MCC: variants seen among roughly 807,000 people sequenced by gnomAD.
The protein encoded by MCC is colorectal mutant cancer protein.
Under a neutral mutation model 116.2 loss-of-function variants are expected in MCC, and 90 were observed. That is an observed-to-expected ratio of 0.77 (90% CI 0.65 to 0.92). MCC has a LOEUF of 0.92. Ranked by LOEUF, MCC falls within the 40% of genes least tolerant of loss-of-function variation. MCC has a pLI of 0.00. For missense variants in MCC, 1,516 were observed against 1,312.2 expected (o/e 1.16, Z -2.40); for synonymous variants, 578 against 510.5 (o/e 1.13, Z -1.78).
rs549945484 is a variant in MCC at position 113,156,982 on chromosome 5, C to T, written c.628-5560G>A. On this transcript the variant is annotated intron_variant, in intron 3 of 18. Coordinates refer to ENST00000408903, the MANE Select transcript of MCC (RefSeq NM_001085377.2). ...GCCCAGGTAAGAAGTGAGCAGTGCC[C>T]TCATGACAGACTCTCCCAGGGGTAT... Among the ~76,000 whole-genome samples the T allele has an allele frequency of 1.9e-4, 29 of 152,282 alleles. No homozygotes were observed. In the South Asian group the frequency reaches 5.8e-3, roughly 30 times the overall value.
intron 6 of MCC, among the ~76,000 whole-genome samples, chr5:113,121,566 C>T (rs1376564106): frequency 6.6e-6 from 1 of 152,196 alleles, no homozygotes. Flanking sequence ...CTAGAGGAAG[C>T]CTTCTTGTAA....
In MCC at chr5:113,196,976, A is replaced by G. The variant is rs1762443569; in HGVS notation, c.628-45554T>C. Among the ~76,000 whole-genome samples the G allele has an allele frequency of 2.6e-5, 4 of 152,252 alleles. No individual in the cohort carries two copies. The South Asian group carries it at 8.3e-4, about 31-fold the overall frequency. On this transcript the variant is annotated intron_variant, in intron 3 of 18. Transcript: ENST00000408903. The stretch of plus-strand genomic sequence containing the variant: ...GGGTGCCATCCTACATGTAACATTG[A>G]AATAAAAGATGCAGTGTCTGCCCTC...
intron 2 of MCC, among the ~76,000 whole-genome samples, chr5:113,377,923 TG>T (rs1769024716): frequency 6.6e-6 from 1 of 151,264 alleles, no homozygotes; most frequent in Admixed American, 6.6e-5. Context: ...ACAACAAAAA[TG>T]AAAAAAAAAC....
Position 113,434,851 on chromosome 5 carries a change from T to C in MCC, c.171-49639A>G, listed in dbSNP as rs892194405. ...GCAGCGTCATCCATGGTGCCAGGAA[T>C]GCCCAGTGCCTCTGAGGCTGCCCTC... On this transcript the variant is annotated intron_variant, in intron 1 of 18. Transcript: ENST00000408903. The surrounding 1 kb of genome is among the most constrained non-coding windows in gnomAD (Gnocchi z 4.2). The C allele has an allele frequency of 3.8e-6, 6 of 1,599,042 alleles. No individual in the cohort carries two copies. The highest frequency in any genetic ancestry group is 1.3e-5 in the African/African-American group (1 of 74,546).
At chr5:113,367,286 AT>A (rs1433847168) in intron 2 of MCC, among the ~76,000 whole-genome samples, 1 of 151,766 alleles carries the variant, frequency 6.6e-6, no homozygotes. Flanking sequence ...CTTGGGACTA[AT>A]TTTTTTGTAT....
At chr5:113,099,763 A>T (rs555809961) in intron 8 of MCC, among the ~76,000 whole-genome samples, 141 of 152,290 alleles carry the variant, frequency 9.3e-4, no homozygotes, top group African/African-American at 3.3e-3. Context: ...AAAACACTGG[A>T]AAGTGGGGAA....
chr5:113,254,426 T>A (rs1764926553), intron 3 of MCC, among the ~76,000 whole-genome samples: 1 of 152,224 alleles, frequency 6.6e-6, no homozygotes, highest in African/African-American at 2.4e-5. Context: ...AAGCAGTTAG[T>A]TCATAACGCA....
chr5:113,439,912 T>C (rs767537639), intron 1 of MCC, among the ~76,000 whole-genome samples: 1 of 152,178 alleles, frequency 6.6e-6, no homozygotes, highest in Non-Finnish European at 1.5e-5. Flanking sequence ...TTGCCCACAC[T>C]GGAGTGCAGT....
chr5:113,032,665 G>C (rs764894033), intron 17 of MCC, among the ~76,000 whole-genome samples: 55 of 152,184 alleles, frequency 3.6e-4, no homozygotes, highest in Non-Finnish European at 6.6e-4. Context: ...ATAGGAGTTA[G>C]GTAAAAGTGA....
intron 3 of MCC, among the ~76,000 whole-genome samples, chr5:113,328,886 C>T (rs1472036598): frequency 6.6e-6 from 1 of 152,144 alleles, no homozygotes; most frequent in Non-Finnish European, 1.5e-5. Flanking sequence ...ATGTGTGAGA[C>T]AGCACTGCAC....
Position 113,027,222 on chromosome 5 carries a change from C to A in MCC, c.*80G>T, listed in dbSNP as rs59624235. On this transcript the variant is annotated 3_prime_UTR_variant, in exon 19 of 19. Coordinates refer to ENST00000408903, the MANE Select transcript of MCC (RefSeq NM_001085377.2). ...GCCTTCCCTTTCCTCCTCCTCCCAA[C>A]AAGTACATGGGCCCTTCTGTCCCCA... 2 of 1,464,168 alleles carry A rather than the reference C, an allele frequency of 1.4e-6. No individual in the cohort carries two copies. The highest frequency in any genetic ancestry group is 2.3e-5 in the East Asian group (1 of 43,814). The allele number at this position is 1,464,168 out of a possible 1,614,324, so 90.7% of individuals were successfully genotyped here. A position where few individuals can be genotyped will look rare whatever the true frequency, so the allele number is the denominator to read the frequency against.
At chr5:113,134,729 G>C (rs77572619) in intron 5 of MCC, among the ~76,000 whole-genome samples, 5,675 of 150,792 alleles carry the variant, frequency 0.038, 197 homozygotes, top group African/African-American at 0.088. Context: ...AAATTTTTTT[G>C]TGTGTGAAAA....
chr5:113,077,792 GA>G (rs1263800715), intron 11 of MCC, among the ~76,000 whole-genome samples: 1 of 152,024 alleles, frequency 6.6e-6, no homozygotes, highest in Non-Finnish European at 1.5e-5. Flanking sequence ...CAGAAGGCAA[GA>G]AAAAACTAAG....
intron 3 of MCC, among the ~76,000 whole-genome samples, chr5:113,246,129 A>G (rs146439569): frequency 6.6e-6 from 1 of 152,230 alleles, no homozygotes; most frequent in Non-Finnish European, 1.5e-5. Flanking sequence ...AGAGAATTTG[A>G]TAAACCATGG....
chr5:113,294,323 T>C (rs1766632948), intron 3 of MCC: 3 of 1,613,796 alleles, frequency 1.9e-6, no homozygotes, highest in East Asian at 4.5e-5. Flanking sequence ...CTCAGCTGTT[T>C]CTTACCTCAC....
chr5:113,433,467 C>A, intron 1 of MCC: 1 of 613,958 alleles, frequency 1.6e-6, no homozygotes. Flanking sequence ...TCTGCTGAGA[C>A]AGGCTCTGTG....
At chr5:113,127,011 T>C (rs1382790093) in intron 5 of MCC, among the ~76,000 whole-genome samples, 1 of 152,212 alleles carries the variant, frequency 6.6e-6, no homozygotes, top group African/African-American at 2.4e-5. Flanking sequence ...TCTGTTCCTC[T>C]CCCTCCTCCC....
At chr5:113,159,283 T>C (rs1760352216) in intron 3 of MCC, among the ~76,000 whole-genome samples, 1 of 152,226 alleles carries the variant, frequency 6.6e-6, no homozygotes, top group Admixed American at 6.5e-5. Context: ...TTGCATACTT[T>C]ATTTGTCCAC....
intron 3 of MCC, among the ~76,000 whole-genome samples, chr5:113,223,451 C>G (rs190232408): frequency 6.1e-4 from 93 of 152,122 alleles, no homozygotes; most frequent in Non-Finnish European, 9.0e-4. Flanking sequence ...CCTGGGGATG[C>G]GTTTGAATTT....
Sources: gnomAD v4.1 joint callset for allele counts (sites outside exome capture counted in the v4.1 genomes callset) on GRCh38, gnomAD v4.1.1 for gene constraint, Gnocchi (gnomAD v3.1) non-coding constraint, MANE v1.5 for transcripts, NCBI Gene and HGNC (gene_info 2026-07-23, HGNC 2026-07-21) for gene names.